The following KDELR3 variants were observed in gnomAD, a reference collection of about 807,000 sequenced individuals.
The protein encoded by KDELR3 is KDEL endoplasmic reticulum protein retention receptor 3.
In KDELR3, 26 loss-of-function variants were observed where a neutral mutation model predicts 22.7. The observed-to-expected ratio is 1.15, with a 90% CI of 0.84 to 1.59. KDELR3 has a LOEUF of 1.59. Ranked by LOEUF, KDELR3 falls within the 40% of genes most tolerant of loss-of-function variation. The pLI is 0.00. For missense variants in KDELR3, 289 were observed against 251.1 expected (o/e 1.15, Z -1.02); for synonymous variants, 120 against 98.2 (o/e 1.22, Z -1.31).
At chr22:38,475,106 G>GA (rs776771995) in intron 2 of KDELR3, among the ~76,000 whole-genome samples, 198 of 120,610 alleles carry the variant, frequency 1.6e-3, no homozygotes, top group Non-Finnish European at 2.7e-3. Flanking sequence ...AAAAAAAAAA[G>GA]ACAGTACCAT....
At chr22:38,478,788 G>A (rs1485513640) in intron 2 of KDELR3, among the ~76,000 whole-genome samples, 7 of 150,420 alleles carry the variant, frequency 4.7e-5, no homozygotes, top group Admixed American at 1.3e-4. Flanking sequence ...GATTACAGGC[G>A]CCCGCATGCA....
chr22:38,474,306 A>G, intron 1 of KDELR3: 2 of 473,070 alleles, frequency 4.2e-6, no homozygotes, highest in African/African-American at 2.0e-5. Context: ...AGACTGGGAG[A>G]CAGATTACAG....
At position 38,469,742 on chromosome 22, in the gene KDELR3, G is replaced by A. The variant is rs574398758; in HGVS notation, c.91+1418G>A. The stretch of plus-strand genomic sequence containing the variant: ...GGACACTGGTACCTGGCCGCTGTCT[G>A]CCAGACACTGCTGGGCACCTAGAAT... On this transcript the variant is annotated intron_variant, in intron 1 of 4. Coordinates refer to ENST00000216014, the MANE Select transcript of KDELR3 (RefSeq NM_006855.4). Among the ~76,000 whole-genome samples the A allele has an allele frequency of 4.6e-5, 7 of 152,334 alleles. No individual in the cohort carries two copies. The East Asian group carries it at 1.2e-3, about 25-fold the overall frequency.
At chr22:38,469,670 A>G (rs2089512396) in intron 1 of KDELR3, among the ~76,000 whole-genome samples, 1 of 152,100 alleles carries the variant, frequency 6.6e-6, no homozygotes, top group Non-Finnish European at 1.5e-5. Flanking sequence ...CTCTTCCTGC[A>G]CTTTTGCAGA....
At chr22:38,468,926 T>C (rs924936646) in intron 1 of KDELR3, among the ~76,000 whole-genome samples, 1 of 152,158 alleles carries the variant, frequency 6.6e-6, no homozygotes, top group African/African-American at 2.4e-5. Flanking sequence ...TTGGAGAAGC[T>C]TGGAGGCTGG....
chr22:38,474,464 AG>A (rs2089544690), intron 1 of KDELR3, 58 bp from the exon 2 acceptor site: 2 of 1,371,990 alleles, frequency 1.5e-6, no homozygotes, highest in Admixed American at 1.7e-5. Context: ...GCACCTCTTG[AG>A]GGTGGGCAGG....
rs960783438 is a variant in KDELR3 at position 38,482,420 on chromosome 22, C to G, written c.605-76C>G. 7.1e-5 allele frequency: 86 copies of G among 1,208,314 alleles called. No individual in the cohort carries two copies. In the Admixed American group the frequency reaches 1.2e-3, roughly 16 times the overall value. 74.8% of individuals were successfully genotyped at this position (1,208,314 alleles called of 1,614,324 possible). On this transcript the variant is annotated intron_variant, in intron 4 of 4. Transcript: ENST00000216014. ...TGAGCCGGCCATTAAGAGATGATAC[C>G]AAGATTATGCATCAAGTTATAAAGC...
chr22:38,469,138 C>T (rs1348635152), intron 1 of KDELR3, among the ~76,000 whole-genome samples: 1 of 152,190 alleles, frequency 6.6e-6, no homozygotes, highest in Non-Finnish European at 1.5e-5. Flanking sequence ...GAAGGAGCAG[C>T]TCCGTGCTGG....
At position 38,481,223 on chromosome 22, in the gene KDELR3, T is replaced by C; in HGVS notation, c.363T>C (p.Thr121=). ...TCTCTTTGGCTCAGATCCTCTGGAC[T>C]TTCTCTATCTATCTGGAATCAGTGG... ...YSFTLLEILW[T]FSIYLESVAI... The change falls in exon 4 of 5, where the codon ACT becomes ACC. Residue 121 remains threonine (T), a synonymous_variant. Transcript: ENST00000216014. 2 of 1,613,682 alleles carry C rather than the reference T, an allele frequency of 1.2e-6. No homozygotes were observed. Among genetic ancestry groups the C allele is most frequent in the South Asian group, 1.1e-5 (1 of 91,058 alleles).
chr22:38,478,379 A>G (rs1236350191), intron 2 of KDELR3, among the ~76,000 whole-genome samples: 1 of 151,718 alleles, frequency 6.6e-6, no homozygotes, highest in Non-Finnish European at 1.5e-5. Context: ...AACTAAAAAT[A>G]TAAAAATTAG....
chr22:38,482,463 G>A, intron 4 of KDELR3, 33 bp from the exon 5 acceptor site: 1 of 1,573,470 alleles, frequency 6.4e-7, no homozygotes, highest in Non-Finnish European at 8.7e-7. Context: ...TCATCAGATG[G>A]TAAATTCTTA....
rs775508451 is a variant in KDELR3, at chr22:38,479,711, G to A, written c.311G>A (p.Gly104Asp). 5 of 1,614,152 alleles carry A rather than the reference G, an allele frequency of 3.1e-6. No homozygotes were observed. Among genetic ancestry groups the A allele is most frequent in the Non-Finnish European group, 4.2e-6 (5 of 1,180,026 alleles). Reference sequence around the variant, plus strand: ...GAGTTTCTTCTGGTCCCAGTCATTGGCCTTTCCTTCCTTGAAAACTACAGT... The same window carrying A: ...GAGTTTCTTCTGGTCCCAGTCATTGACCTTTCCTTCCTTGAAAACTACAGT... ...RLEFLLVPVI[G>D]LSFLENYSFT... Residue 104 changes from glycine to aspartate, a missense_variant, in exon 3 of 5, where the codon GGC becomes GAC. Gly to Asp is a moderately conservative substitution (Grantham distance 94). Transcript: ENST00000216014.
intron 2 of KDELR3, among the ~76,000 whole-genome samples, chr22:38,478,344 G>A (rs942730824): frequency 1.3e-5 from 2 of 151,862 alleles, no homozygotes; most frequent in African/African-American, 2.4e-5. Context: ...TGAGGAGTTC[G>A]AGACAAGCCT....
chr22:38,472,989 C>T (rs114021754), intron 1 of KDELR3, among the ~76,000 whole-genome samples: 2,296 of 152,186 alleles, frequency 0.015, 31 homozygotes, highest in South Asian at 0.052. Context: ...CATGAGCCAC[C>T]GCCCCCGGCC....
intron 2 of KDELR3, among the ~76,000 whole-genome samples, chr22:38,477,762 C>T (rs1371088109): frequency 1.3e-5 from 2 of 152,118 alleles, no homozygotes; most frequent in African/African-American, 2.4e-5. Context: ...TGGAAATCAC[C>T]GTCTACTTAA....
In KDELR3 at chr22:38,482,717, A is replaced by G. The variant is rs1322010144; in HGVS notation, c.*181A>G. 3 of 607,978 alleles carry G rather than the reference A, an allele frequency of 4.9e-6. No homozygotes were observed. The highest frequency in any genetic ancestry group is 4.2e-5 in the South Asian group (2 of 48,120). 37.7% of individuals were successfully genotyped at this position (607,978 alleles called of 1,614,324 possible). A position where few individuals can be genotyped will look rare whatever the true frequency, so the allele number is the denominator to read the frequency against. ...ACCTTCTCATCAATAGATCGCCCTT[A>G]AAGACCCATTGTAAGGTCATAAAAA... On this transcript the variant is annotated 3_prime_UTR_variant, in exon 5 of 5. Transcript: ENST00000216014.
intron 1 of KDELR3, among the ~76,000 whole-genome samples, chr22:38,470,413 G>A (rs2089517961): frequency 6.6e-6 from 1 of 152,146 alleles, no homozygotes; most frequent in Admixed American, 6.5e-5. Flanking sequence ...ACTTTCTAGT[G>A]GTAGGAAGCC....
At chr22:38,476,947 T>C (rs1269816115) in intron 2 of KDELR3, among the ~76,000 whole-genome samples, 1 of 151,368 alleles carries the variant, frequency 6.6e-6, no homozygotes, top group African/African-American at 2.4e-5. Context: ...TCTAGCTCTG[T>C]CGCCCAGGGT....
Position 38,482,538 on chromosome 22 carries a change from G to A in KDELR3, c.*2G>A, listed in dbSNP as rs746728653. ...TTAAGTCTTCCAATGCCAATCTGAGGACCTTCAGAGACAGTCTACGCCTTA... is the reference window on the plus strand; with the variant it reads ...TTAAGTCTTCCAATGCCAATCTGAGAACCTTCAGAGACAGTCTACGCCTTA... On this transcript the variant is annotated 3_prime_UTR_variant, in exon 5 of 5. Coordinates refer to ENST00000216014, the MANE Select transcript of KDELR3 (RefSeq NM_006855.4). 76 of 1,610,366 alleles carry A rather than the reference G, an allele frequency of 4.7e-5. No individual in the cohort carries two copies. The South Asian group carries it at 7.9e-4, about 17-fold the overall frequency.
Sources: gnomAD v4.1 joint callset for allele counts (sites outside exome capture counted in the v4.1 genomes callset) on GRCh38, gnomAD v4.1.1 for gene constraint, MANE v1.5 for transcripts, NCBI Gene and HGNC (gene_info 2026-07-23, HGNC 2026-07-21) for gene names.